TENM1: variants seen among roughly 807,000 people sequenced by gnomAD.
TENM1 encodes teneurin-1.
Under a neutral mutation model 174.8 loss-of-function variants are expected in TENM1, and 35 were observed. The observed-to-expected ratio is 0.20, with a 90% CI of 0.15 to 0.27. The LOEUF (loss-of-function observed/expected upper bound fraction) is 0.27, where lower values mean the gene tolerates loss of function less well. Among genes scored for constraint, TENM1 ranks in the 10% least tolerant of loss-of-function variants. The pLI is 1.00. For missense variants in TENM1, 1,633 were observed against 2,130.1 expected (o/e 0.77, Z 4.59); for synonymous variants, 781 against 798.7 (o/e 0.98, Z 0.37).
At chrX:124,919,604 A>G (rs940054828) in intron 1 of TENM1, among the ~76,000 whole-genome samples, 1 of 111,226 alleles carries the variant, frequency 9.0e-6, no homozygotes, top group Non-Finnish European at 1.9e-5. Flanking sequence ...GAAGTGAGGG[A>G]AGAGGGCTGG....
the TENM1 span, among the ~76,000 whole-genome samples, chrX:124,983,236 T>G: frequency 5.4e-5 from 6 of 111,377 alleles, no homozygotes; most frequent in African/African-American, 2.0e-4. Flanking sequence ...ACACATACTA[T>G]TTTAAAGTAA....
At chrX:124,791,346 AAC>A (rs2055175024) in intron 3 of TENM1, among the ~76,000 whole-genome samples, 1 of 111,992 alleles carries the variant, frequency 8.9e-6, no homozygotes, top group Admixed American at 9.5e-5. Flanking sequence ...AGCAAATGAT[AAC>A]AGTCTACATA....
At chrX:125,156,071 T>C in the TENM1 span, among the ~76,000 whole-genome samples, 4 of 112,342 alleles carry the variant, frequency 3.6e-5, no homozygotes, top group East Asian at 1.1e-3. Context: ...TTAGTAGTTT[T>C]ATGTAGGTTA....
At chrX:124,613,464 A>T (rs2050325350) in intron 11 of TENM1, among the ~76,000 whole-genome samples, 1 of 111,922 alleles carries the variant, frequency 8.9e-6, no homozygotes, top group African/African-American at 3.2e-5. Flanking sequence ...CTATTTAAAA[A>T]ATCATGTCTT....
intron 5 of TENM1, among the ~76,000 whole-genome samples, chrX:124,700,261 G>C (rs915605579): frequency 2.7e-5 from 3 of 111,440 alleles, no homozygotes; most frequent in African/African-American, 9.8e-5. Context: ...ACTCATTAGA[G>C]GATTCTTGTG....
chrX:124,501,541 G>A (rs1335146198), intron 19 of TENM1, among the ~76,000 whole-genome samples: 7 of 111,958 alleles, frequency 6.3e-5, no homozygotes, highest in African/African-American at 2.3e-4. Flanking sequence ...AGAGGAAACT[G>A]GGGGAAGATA....
At chrX:124,782,405 T>C (rs781223989) in intron 3 of TENM1, among the ~76,000 whole-genome samples, 5 of 111,053 alleles carry the variant, frequency 4.5e-5, no homozygotes, top group Admixed American at 9.6e-5. Context: ...TGACTCACTC[T>C]ATAGTCTCAT....
chrX:125,165,585 G>C, the TENM1 span, among the ~76,000 whole-genome samples: 2 of 111,995 alleles, frequency 1.8e-5, no homozygotes, highest in African/African-American at 6.5e-5. Context: ...ACAGTGGGAA[G>C]ACAAAAGCTG....
At chrX:124,415,645 C>T (rs1268890563) in intron 25 of TENM1, among the ~76,000 whole-genome samples, 1 of 111,632 alleles carries the variant, frequency 9.0e-6, no homozygotes, top group Non-Finnish European at 1.9e-5. Context: ...CTCTTTGTGG[C>T]CATAAAATTT....
chrX:124,520,883 AG>A (rs2047831778), intron 17 of TENM1, 99 bp from the exon 21 acceptor site: 1 of 823,817 alleles, frequency 1.2e-6, no homozygotes, highest in Non-Finnish European at 1.7e-6. Flanking sequence ...AACATGCCAA[AG>A]GAGAGAGCTT....
At chrX:124,913,578 G>A (rs987348864) in intron 1 of TENM1, among the ~76,000 whole-genome samples, 5 of 111,817 alleles carry the variant, frequency 4.5e-5, no homozygotes, top group African/African-American at 1.6e-4. Flanking sequence ...CTCACATTGT[G>A]AATTTAGCCA....
the TENM1 span, among the ~76,000 whole-genome samples, chrX:125,057,585 A>C: frequency 1.8e-5 from 2 of 111,378 alleles, no homozygotes; most frequent in Non-Finnish European, 3.8e-5. Context: ...TTTTGTCTCC[A>C]TGTTAAAAAT....
chrX:124,384,336 T>A, exon 30 of TENM1: 1 of 1,209,648 alleles, frequency 8.3e-7, no homozygotes. Context: ...CGGAGAGGAG[T>A]AAGACGAGCA....
chrX:124,406,617 C>A, intron 25 of TENM1, 128 bp from the exon 29 acceptor site: 1 of 417,044 alleles, frequency 2.4e-6, no homozygotes, highest in Non-Finnish European at 4.1e-6. Context: ...TAACCTTGTT[C>A]AAGAAGAAGA....
chrX:125,171,078 T>C, the TENM1 span, among the ~76,000 whole-genome samples: 1 of 111,249 alleles, frequency 9.0e-6, no homozygotes, highest in African/African-American at 3.3e-5. Context: ...ATTTTGTTTG[T>C]TGGTTTTTGT....
the TENM1 span, among the ~76,000 whole-genome samples, chrX:125,034,565 T>C: frequency 1.8e-5 from 2 of 111,995 alleles, no homozygotes; most frequent in Non-Finnish European, 3.8e-5. Flanking sequence ...ACATGCAATA[T>C]AATGCTTTTG....
intron 31 of TENM1, 61 bp from the exon 35 acceptor site, chrX:124,381,355 T>C: frequency 9.3e-7 from 1 of 1,074,851 alleles, no homozygotes; most frequent in Non-Finnish European, 1.2e-6. Flanking sequence ...AGATACTTGG[T>C]GATTGTGGAA....
intron 3 of TENM1, among the ~76,000 whole-genome samples, chrX:124,760,832 C>T (rs1028143768): frequency 8.1e-5 from 9 of 111,673 alleles, no homozygotes; most frequent in African/African-American, 2.6e-4. Context: ...CTACAGAGAA[C>T]TTAAACAAAT....
intron 22 of TENM1, among the ~76,000 whole-genome samples, chrX:124,464,139 C>T (rs1054405713): frequency 2.7e-5 from 3 of 110,902 alleles, no homozygotes; most frequent in East Asian, 5.7e-4. Context: ...AAAGAACTGT[C>T]GCTGTCATCC....
Sources: allele counts gnomAD v4.1 joint callset (sites outside exome capture counted in the v4.1 genomes callset), GRCh38; gene constraint gnomAD v4.1.1; transcripts MANE v1.5; gene names NCBI Gene and HGNC (gene_info 2026-07-23, HGNC 2026-07-21).